ZDHHC8: variants seen among roughly 807,000 people sequenced by gnomAD.
ZDHHC8 encodes the protein zDHHC palmitoyltransferase 8.
A neutral mutation model predicts 61.2 loss-of-function variants in ZDHHC8; 24 were observed. The ratio of observed to expected loss-of-function variants is 0.39; its 90% CI spans 0.28 to 0.55. The LOEUF (loss-of-function observed/expected upper bound fraction) is 0.55. ZDHHC8 is among the 20% of genes least tolerant of loss of function. The pLI, the probability that ZDHHC8 is intolerant of heterozygous loss-of-function variation, is 0.60. For missense variants in ZDHHC8, 935 were observed against 1,102.1 expected (o/e 0.85, Z 2.15); for synonymous variants, 523 against 492.5 (o/e 1.06, Z -0.82).
rs891947455 is a variant in ZDHHC8, at chr22:20,146,274, C to T, written c.*874C>T. On this transcript the variant is annotated 3_prime_UTR_variant, in exon 11 of 11. Transcript: ENST00000334554. ...ACCCCAAGGCATGCCACGTCCGCAG[C>T]CCCGGCCTGGCTGCGGTGCTCGCGC... The T allele has an allele frequency of 3.0e-6, 3 of 985,518 alleles. No homozygotes were observed. The highest frequency in any genetic ancestry group is 3.6e-6 in the Non-Finnish European group (3 of 829,954). 61.0% of individuals were successfully genotyped at this position (985,518 alleles called of 1,614,324 possible).
At chr22:20,132,080 CG>C in intron 1 of ZDHHC8, 29 bp downstream of exon 1, 1 of 1,236,822 alleles carries the variant, frequency 8.1e-7, no homozygotes, top group Non-Finnish European at 1.0e-6. Context: ...TGGGGGCACG[CG>C]GGCAGCGATG....
chr22:20,141,276 C>T lies in ZDHHC8; in HGVS notation c.954C>T (p.Pro318=). The T allele has an allele frequency of 6.2e-7, 1 of 1,612,886 alleles. No individual in the cohort carries two copies. The highest frequency in any genetic ancestry group is 1.1e-5 in the South Asian group (1 of 91,068). Residue 318 remains proline (P), a synonymous_variant, in exon 8 of 11, where the codon CCC becomes CCT. Coordinates refer to ENST00000334554, the MANE Select transcript of ZDHHC8 (RefSeq NM_013373.4). ...EKPLDLGPPL[P]PKIEAGTFSS... ...CACTGGACTTGGGGCCACCACTGCC[C>T]CCCAAGATAGAGGCTGGCACGTTCA...
chr22:20,143,059 C>T lies in ZDHHC8; in HGVS notation c.1429C>T (p.Leu477=). The T allele has an allele frequency of 1.2e-6, 2 of 1,612,540 alleles. No homozygotes were observed. Among genetic ancestry groups the T allele is most frequent in the East Asian group, 2.2e-5 (1 of 44,854 alleles). Residue 477 remains leucine, a synonymous_variant, in exon 10 of 11, where the codon CTG becomes TTG. Transcript: ENST00000334554. ...TGCACTGCCCAACCGCAACGGCAGC[C>T]TGTCCTATGACAGCCTGCTCAATCC... The part of the protein sequence containing the change: ...PHALPNRNGS[L]SYDSLLNPGS...
At position 20,147,032 on chromosome 22, in the gene ZDHHC8, G is replaced by A; in HGVS notation, c.*1632G>A. 2 of 1,430,624 alleles carry A rather than the reference G, an allele frequency of 1.4e-6. No homozygotes were observed. Among genetic ancestry groups the A allele is most frequent in the Non-Finnish European group, 1.8e-6 (2 of 1,094,366 alleles). The allele number at this position is 1,430,624 out of a possible 1,614,324, so 88.6% of individuals were successfully genotyped here. A position where few individuals can be genotyped will look rare whatever the true frequency, so the allele number is the denominator to read the frequency against. On this transcript the variant is annotated 3_prime_UTR_variant, in exon 11 of 11. Coordinates refer to ENST00000334554, the MANE Select transcript of ZDHHC8 (RefSeq NM_013373.4). ...GCCGCGGCCCGCAGGGGGCGGATTG[G>A]CACCTGCACCCGTGGATGGGGGCGG...
intron 1 of ZDHHC8, among the ~76,000 whole-genome samples, chr22:20,137,764 T>C (rs1227928017): frequency 5.3e-5 from 8 of 152,190 alleles, no homozygotes; most frequent in Admixed American, 5.2e-4. Flanking sequence ...CTGAATGGCG[T>C]TGCATTGGAG....
Position 20,145,739 on chromosome 22 carries a change from C to T in ZDHHC8, c.*339C>T. 1 of 1,010,690 alleles carries T rather than the reference C, an allele frequency of 9.9e-7. No individual in the cohort carries two copies. The highest frequency in any genetic ancestry group is 1.2e-6 in the Non-Finnish European group (1 of 846,812). 62.6% of individuals were successfully genotyped at this position (1,010,690 alleles called of 1,614,324 possible). A position where few individuals can be genotyped will look rare whatever the true frequency, so the allele number is the denominator to read the frequency against. Reference sequence around the variant, plus strand: ...TTGGCCCACTGCCATCACCCAGCACCCCAGATCACCGCCAGGCCAGCCCCC... The same window carrying T: ...TTGGCCCACTGCCATCACCCAGCACTCCAGATCACCGCCAGGCCAGCCCCC... On this transcript the variant is annotated 3_prime_UTR_variant, in exon 11 of 11. Coordinates refer to ENST00000334554, the MANE Select transcript of ZDHHC8 (RefSeq NM_013373.4).
chr22:20,137,481 A>G (rs959116974), intron 1 of ZDHHC8, among the ~76,000 whole-genome samples: 7 of 152,184 alleles, frequency 4.6e-5, no homozygotes, highest in African/African-American at 1.7e-4. Context: ...GGGTTGACCA[A>G]TGGCACTCGC....
chr22:20,140,358 C>A, intron 5 of ZDHHC8, 141 bp downstream of exon 5: 1 of 916,120 alleles, frequency 1.1e-6, no homozygotes, highest in Non-Finnish European at 1.6e-6. Flanking sequence ...CTGAGACCCC[C>A]ACGTGGGGCT....
rs1032702974 is a variant in ZDHHC8, at chr22:20,146,525, C to T, written c.*1125C>T. 2.3e-4 allele frequency: 227 copies of T among 989,434 alleles called. No homozygotes were observed. Among genetic ancestry groups the T allele is most frequent in the Non-Finnish European group, 2.5e-4 (210 of 832,912 alleles). The allele number at this position is 989,434 out of a possible 1,614,324, so 61.3% of individuals were successfully genotyped here. On this transcript the variant is annotated 3_prime_UTR_variant, in exon 11 of 11. Transcript: ENST00000334554. ...TCCCGAGTTAGGGGAGGGCAGGGGC[C>T]GGGCCCCAGAAGAGGGAGTGGCTGC...
chr22:20,132,482 G>T (rs1427884884), intron 1 of ZDHHC8, among the ~76,000 whole-genome samples: 3 of 152,264 alleles, frequency 2.0e-5, no homozygotes, highest in Non-Finnish European at 4.4e-5. Context: ...CTGGCTGCCC[G>T]CCCCGGGCCA....
At chr22:20,132,409 G>T (rs189299783) in intron 1 of ZDHHC8, among the ~76,000 whole-genome samples, 2 of 152,222 alleles carry the variant, frequency 1.3e-5, no homozygotes, top group Admixed American at 6.5e-5. Flanking sequence ...CCGAGGGGAC[G>T]TGGGCCACCC....
Position 20,131,829 on chromosome 22 carries a change from G to GCCA in ZDHHC8, c.-117_-116insACC. ...GTGGGGTGGGATTTCCTCCGCCGCCGCCGCCGCCGCCGCCGCGGGTCCTGC... is the reference window on the plus strand; with the variant it reads ...GTGGGGTGGGATTTCCTCCGCCGCCGCCACCGCCGCCGCCGCCGCGGGTCCTGC... On this transcript the variant is annotated 5_prime_UTR_variant, in exon 1 of 11. Coordinates refer to ENST00000334554, the MANE Select transcript of ZDHHC8 (RefSeq NM_013373.4). 3.2e-6 allele frequency: 1 copy of GCCA among 310,660 alleles called. No homozygotes were observed. The highest frequency in any genetic ancestry group is 4.6e-6 in the Non-Finnish European group (1 of 215,476). 19.2% of individuals were successfully genotyped at this position (310,660 alleles called of 1,614,324 possible).
In ZDHHC8 at chr22:20,141,498, C is replaced by T. The variant is rs1280228400; in HGVS notation, c.1093C>T (p.Pro365Ser). ...YKFRPAFPTGPKVPFCGPGEQ... is the reference protein window; with the variant it reads ...YKFRPAFPTGSKVPFCGPGEQ... ...GTTTAGGCCGGCTTTCCCCACGGGT[C>T]CCAAGGTGCCCTTCTGTGGACCAGG... is the stretch of plus-strand genomic sequence containing the variant. The change falls in exon 9 of 11, where the codon CCC (proline) becomes TCC (serine). Residue 365 changes from proline (P) to serine (S), a missense_variant. By Grantham distance (74) the Pro-to-Ser change is moderately conservative (BLOSUM62 -1). Transcript: ENST00000334554. 1.2e-6 allele frequency: 2 copies of T among 1,612,990 alleles called. No individual in the cohort carries two copies. The highest frequency in any genetic ancestry group is 1.7e-6 in the Non-Finnish European group (2 of 1,179,890).
Position 20,139,509 on chromosome 22 carries a change from C to T in ZDHHC8, c.258C>T (p.Phe86=), listed in dbSNP as rs201895109. The change falls in exon 3 of 11, where the codon TTC becomes TTT. Residue 86 remains phenylalanine, a synonymous_variant. Coordinates refer to ENST00000334554, the MANE Select transcript of ZDHHC8 (RefSeq NM_013373.4). ...ADEDEDKEDD[F]RAPLYKNVDV... ...AGGATGAGGACAAGGAGGACGACTT[C>T]CGGGCTCCGCTGTACAAGAACGTGG... 68 of 1,613,670 alleles carry T rather than the reference C, an allele frequency of 4.2e-5. No homozygotes were observed. In the East Asian group the frequency reaches 7.6e-4, roughly 18 times the overall value.
rs756478875 is a variant in ZDHHC8 at position 20,143,187 on chromosome 22, G to GC, written c.1561dup (p.Leu521ProfsTer42). On this transcript the variant is annotated frameshift_variant, in exon 10 of 11. Transcript: ENST00000334554. LOFTEE classifies it high-confidence loss of function. ...CTGGGGCAACGGGCGACCCGCCACG[G>GC]CCCCTACCCCGCAGCTTCAGCCCCG... 1 of 1,609,788 alleles carries GC rather than the reference G, an allele frequency of 6.2e-7. No individual in the cohort carries two copies. The highest frequency in any genetic ancestry group is 8.5e-7 in the Non-Finnish European group (1 of 1,179,528).
chr22:20,138,196 G>A (rs1046008098), intron 1 of ZDHHC8, among the ~76,000 whole-genome samples: 1 of 152,366 alleles, frequency 6.6e-6, no homozygotes, highest in Non-Finnish European at 1.5e-5. Context: ...CAGGGCTGCT[G>A]TGGGGGATCC....
chr22:20,143,317 C>A lies in ZDHHC8; in HGVS notation c.1687C>A (p.Arg563Ser). The change falls in exon 10 of 11, where the codon CGC (arginine) becomes AGC (serine). Residue 563 changes from arginine (R) to serine (S), a missense_variant. By Grantham distance (110) the Arg-to-Ser change is moderately radical (BLOSUM62 -1). Around this residue, in one of 3 missense-constraint regions of ZDHHC8, gnomAD observed 692 missense variants for 731.4 expected, o/e 0.95. Transcript: ENST00000334554. ...QERKDREERE[R>S]LLRSQADSLF... Reference sequence around the variant, plus strand: ...GCGCAAGGACAGGGAGGAGCGTGAGCGCCTGCTGCGCTCCCAGGCCGACTC... The same window carrying A: ...GCGCAAGGACAGGGAGGAGCGTGAGAGCCTGCTGCGCTCCCAGGCCGACTC... 1 of 1,594,580 alleles carries A rather than the reference C, an allele frequency of 6.3e-7. No individual in the cohort carries two copies. Among genetic ancestry groups the A allele is most frequent in the Non-Finnish European group, 8.5e-7 (1 of 1,173,870 alleles).
chr22:20,143,601 G>A lies in ZDHHC8; in HGVS notation c.1971G>A (p.Gly657=). 3.7e-6 allele frequency: 6 copies of A among 1,601,728 alleles called. No homozygotes were observed. The highest frequency in any genetic ancestry group is 5.1e-6 in the Non-Finnish European group (6 of 1,178,398). ...ATCAGGCCAGCAGCAACGCCCCGGG[G>A]CCCCGGCCCAGCAGTGGCTCACACA... ...QADQASSNAP[G]PRPSSGSHRS... is the part of the protein sequence containing the mutation. The change falls in exon 10 of 11, where the codon GGG becomes GGA. Residue 657 remains glycine (G), a synonymous_variant. Coordinates refer to ENST00000334554, the MANE Select transcript of ZDHHC8 (RefSeq NM_013373.4).
At chr22:20,138,445 G>A (rs941342821) in intron 1 of ZDHHC8, among the ~76,000 whole-genome samples, 3 of 152,226 alleles carry the variant, frequency 2.0e-5, no homozygotes, top group Non-Finnish European at 4.4e-5. Context: ...GCCCGTTAAG[G>A]GCTGAGGAAG....
Sources: gnomAD v4.1 joint callset for allele counts (sites outside exome capture counted in the v4.1 genomes callset) on GRCh38, gnomAD v4.1.1 for gene constraint, gnomAD v4.1.1 regional missense constraint, MANE v1.5 for transcripts, NCBI Gene and HGNC (gene_info 2026-07-23, HGNC 2026-07-21) for gene names.